The following KCNQ3 variants were observed in gnomAD, a reference collection of about 807,000 sequenced individuals.
KCNQ3 encodes potassium voltage-gated channel subfamily KQT member 3.
KCNQ3 carries 30 observed loss-of-function variants against 92.5 expected under a neutral mutation model. That is an observed-to-expected ratio of 0.32 (90% CI 0.24 to 0.44). KCNQ3 has a LOEUF of 0.44. Ranked by LOEUF, KCNQ3 falls within the 20% of genes least tolerant of loss-of-function variation. The probability of loss-of-function intolerance (pLI) is 1.00; values close to 1 mark genes in which losing one functional copy is unlikely to be tolerated. For missense variants in KCNQ3, 913 were observed against 1,140.3 expected (o/e 0.80, Z 2.87); for synonymous variants, 450 against 468.8 (o/e 0.96, Z 0.52).
At chr8:132,331,300 C>T (rs569194677) in intron 1 of KCNQ3, among the ~76,000 whole-genome samples, 5 of 152,146 alleles carry the variant, frequency 3.3e-5, no homozygotes, top group Admixed American at 1.3e-4. Flanking sequence ...TCTCTGCTTC[C>T]GAAACTCATG....
chr8:132,330,037 C>T (rs1818185279), intron 1 of KCNQ3, among the ~76,000 whole-genome samples: 1 of 152,166 alleles, frequency 6.6e-6, no homozygotes, highest in South Asian at 2.1e-4. Context: ...TAAGGATCTT[C>T]AGATGAAGAG....
chr8:132,213,248 T>C (rs191055641), intron 1 of KCNQ3, among the ~76,000 whole-genome samples: 95 of 152,250 alleles, frequency 6.2e-4, no homozygotes, highest in African/African-American at 2.2e-3. Flanking sequence ...AGCTTAACTG[T>C]CCCTTCCAGC....
chr8:132,191,839 G>C (rs1252962436), intron 1 of KCNQ3, among the ~76,000 whole-genome samples: 3 of 151,782 alleles, frequency 2.0e-5, no homozygotes, highest in African/African-American at 7.3e-5. Context: ...GTGACTAATG[G>C]GATATAAAGA....
At chr8:132,136,260 A>C (rs1825089103) in intron 12 of KCNQ3, among the ~76,000 whole-genome samples, 1 of 152,100 alleles carries the variant, frequency 6.6e-6, no homozygotes, top group South Asian at 2.1e-4. Flanking sequence ...CAGTGGGACA[A>C]CATCACTCGG....
intron 1 of KCNQ3, among the ~76,000 whole-genome samples, chr8:132,402,580 T>A (rs1296128352): frequency 6.6e-6 from 1 of 152,128 alleles, no homozygotes; most frequent in Non-Finnish European, 1.5e-5. Flanking sequence ...TTCTAATAGG[T>A]GGAGCACAGG....
At chr8:132,168,889 G>T (rs1826221078) in intron 8 of KCNQ3, among the ~76,000 whole-genome samples, 1 of 151,598 alleles carries the variant, frequency 6.6e-6, no homozygotes, top group Non-Finnish European at 1.5e-5. Context: ...TTGCTTTGAG[G>T]CAGGTTCCAG....
At chr8:132,273,784 A>G (rs968309237) in intron 1 of KCNQ3, among the ~76,000 whole-genome samples, 5 of 152,168 alleles carry the variant, frequency 3.3e-5, no homozygotes, top group African/African-American at 1.2e-4. Flanking sequence ...AACTCTCTCA[A>G]GTTTAAAGTT....
Position 132,121,899 on chromosome 8 carries a change from T to A in KCNQ3, c.*7363A>T, listed in dbSNP as rs1301327828. 6.6e-6 allele frequency: 1 copy of A among 152,120 alleles called. No individual in the cohort carries two copies. Among genetic ancestry groups the A allele is most frequent in the Non-Finnish European group, 1.5e-5 (1 of 68,034 alleles). The allele number at this position is 152,120 out of a possible 1,614,324, so 9.4% of individuals were successfully genotyped here. ...CAATGTGAACCAGGTGAATAATTTATGAGGCATTATTTTCTGCCACTGACA... is the reference window on the plus strand; with the variant it reads ...CAATGTGAACCAGGTGAATAATTTAAGAGGCATTATTTTCTGCCACTGACA... On this transcript the variant is annotated 3_prime_UTR_variant, in exon 15 of 15. Transcript: ENST00000388996.
At chr8:132,375,532 C>G (rs1819584292) in intron 1 of KCNQ3, among the ~76,000 whole-genome samples, 1 of 152,178 alleles carries the variant, frequency 6.6e-6, no homozygotes, top group Non-Finnish European at 1.5e-5. Flanking sequence ...ATGAAAATAG[C>G]TTTGACTTCT....
chr8:132,434,133 G>A (rs181242181), intron 1 of KCNQ3, among the ~76,000 whole-genome samples: 2,036 of 147,000 alleles, frequency 0.014, 43 homozygotes, highest in African/African-American at 0.048. Context: ...GCGTGAACCC[G>A]GGAGGCGGAG....
chr8:132,333,638 A>T (rs1336150177), intron 1 of KCNQ3, among the ~76,000 whole-genome samples: 1 of 152,170 alleles, frequency 6.6e-6, no homozygotes, highest in Non-Finnish European at 1.5e-5. Flanking sequence ...TGGTTGCATG[A>T]TACTACATAT....
At chr8:132,462,412 T>C (rs1442938539) in intron 1 of KCNQ3, among the ~76,000 whole-genome samples, 1 of 152,172 alleles carries the variant, frequency 6.6e-6, no homozygotes, top group African/African-American at 2.4e-5. Context: ...GGTCTTGAAC[T>C]CTTGACCTCA....
At chr8:132,217,195 C>T (rs1169477460) in intron 1 of KCNQ3, among the ~76,000 whole-genome samples, 5 of 152,120 alleles carry the variant, frequency 3.3e-5, no homozygotes, top group African/African-American at 9.7e-5. Flanking sequence ...CCAGAGAAAC[C>T]GGCAAACATG....
intron 1 of KCNQ3, among the ~76,000 whole-genome samples, chr8:132,289,606 T>A (rs1055399598): frequency 1.3e-5 from 2 of 152,220 alleles, no homozygotes; most frequent in Admixed American, 1.3e-4. Flanking sequence ...CCCACCAGGA[T>A]AATCTGAGAT....
intron 1 of KCNQ3, among the ~76,000 whole-genome samples, chr8:132,454,184 G>C (rs1821888653): frequency 6.6e-6 from 1 of 152,196 alleles, no homozygotes; most frequent in Non-Finnish European, 1.5e-5. Flanking sequence ...CTGGAGCTCA[G>C]GGAGAAGGGC....
At chr8:132,176,074 C>T (rs1325338938) in intron 4 of KCNQ3, among the ~76,000 whole-genome samples, 3 of 152,200 alleles carry the variant, frequency 2.0e-5, no homozygotes, top group Non-Finnish European at 4.4e-5. Context: ...AAATTCTCCT[C>T]TTCTCCCAAA....
chr8:132,142,516 C>T (rs1168778550), intron 9 of KCNQ3, among the ~76,000 whole-genome samples: 1 of 152,170 alleles, frequency 6.6e-6, no homozygotes, highest in Non-Finnish European at 1.5e-5. Flanking sequence ...CTTTTGCCCC[C>T]TTACCCTAGT....
At chr8:132,150,575 T>C (rs993730601) in intron 9 of KCNQ3, among the ~76,000 whole-genome samples, 1 of 152,216 alleles carries the variant, frequency 6.6e-6, no homozygotes, top group Admixed American at 6.5e-5. Context: ...TAGTTATATT[T>C]ACAAGGACTT....
intron 1 of KCNQ3, among the ~76,000 whole-genome samples, chr8:132,265,526 A>G (rs1282027968): frequency 6.6e-6 from 1 of 152,232 alleles, no homozygotes; most frequent in African/African-American, 2.4e-5. Context: ...CCTAAGCCCT[A>G]GACAATGTCT....
Sources: allele counts gnomAD v4.1 joint callset (sites outside exome capture counted in the v4.1 genomes callset), GRCh38; gene constraint gnomAD v4.1.1; transcripts MANE v1.5; gene names NCBI Gene and HGNC (gene_info 2026-07-23, HGNC 2026-07-21).